Variants in ARID5B observed in about 807,000 individuals in gnomAD.
The protein encoded by ARID5B is AT-rich interaction domain 5B.
ARID5B carries 13 observed loss-of-function variants against 97.2 expected under a neutral mutation model. That is an observed-to-expected ratio of 0.13 (90% CI 0.09 to 0.21). ARID5B has a LOEUF of 0.21. ARID5B is among the 10% of genes least tolerant of loss of function. The probability of loss-of-function intolerance (pLI) is 1.00; values close to 1 mark genes in which losing one functional copy is unlikely to be tolerated. For synonymous variants in ARID5B, 556 were observed against 570.3 expected, an observed-to-expected ratio of 0.97 and a Z score of 0.36; for missense variants, 1,210 against 1,465.3, an observed-to-expected ratio of 0.83 and a Z score of 2.84.
At chr10:61,975,249 C>T (rs546916185) in intron 3 of ARID5B, among the ~76,000 whole-genome samples, 5 of 151,978 alleles carry the variant, frequency 3.3e-5, no homozygotes, top group Admixed American at 3.3e-4. Flanking sequence ...TTTCTGGAGC[C>T]TCTGGTTACC....
intron 3 of ARID5B, among the ~76,000 whole-genome samples, chr10:61,973,268 G>A (rs935113750): frequency 6.6e-6 from 1 of 152,256 alleles, no homozygotes; most frequent in Non-Finnish European, 1.5e-5. Flanking sequence ...GCTCTTACAG[G>A]GGAATAGAGG....
chr10:62,071,852 T>C (rs1348487384), intron 8 of ARID5B, among the ~76,000 whole-genome samples: 1 of 152,210 alleles, frequency 6.6e-6, no homozygotes, highest in Non-Finnish European at 1.5e-5. Flanking sequence ...GTTTGCTTTC[T>C]CACTCGATTA....
intron 3 of ARID5B, among the ~76,000 whole-genome samples, chr10:61,968,150 A>T (rs926687137): frequency 7.0e-6 from 1 of 143,084 alleles, no homozygotes; most frequent in Non-Finnish European, 1.5e-5. Flanking sequence ...ATAATAATAC[A>T]TTTAACATGG....
intron 4 of ARID5B, among the ~76,000 whole-genome samples, chr10:62,020,334 A>G (rs978776605): frequency 1.3e-5 from 2 of 152,164 alleles, no homozygotes; most frequent in African/African-American, 4.8e-5. Flanking sequence ...TGTCAACCAA[A>G]ATAATTTGCA....
At chr10:62,072,169 G>A (rs35809595) in intron 8 of ARID5B, among the ~76,000 whole-genome samples, 50,004 of 152,020 alleles carry the variant, frequency 0.33, 8,976 homozygotes, top group Non-Finnish European at 0.41. Flanking sequence ...CTGATGCTTC[G>A]GGAGCTCAGA....
At chr10:62,036,305 C>T (rs976140591) in intron 4 of ARID5B, among the ~76,000 whole-genome samples, 1 of 152,162 alleles carries the variant, frequency 6.6e-6, no homozygotes, top group Non-Finnish European at 1.5e-5. Context: ...AGCACAGTGG[C>T]CTGTGGTCCA....
intron 4 of ARID5B, among the ~76,000 whole-genome samples, chr10:62,013,815 TACCACATTTTCTCTTTTAATTTTTATGG>T (rs1839250101): frequency 6.8e-6 from 1 of 147,408 alleles, no homozygotes. Flanking sequence ...TATATATATA[TACCACATTTTCTCTTTTAATTTTTATGG>T]ATATATAATA....
At chr10:61,948,784 T>C (rs373584830) in intron 3 of ARID5B, among the ~76,000 whole-genome samples, 2 of 152,326 alleles carry the variant, frequency 1.3e-5, no homozygotes, top group East Asian at 3.9e-4. Flanking sequence ...CCATTACGCA[T>C]GGCCAGAACT....
At chr10:61,958,525 C>T (rs545581999) in intron 3 of ARID5B, among the ~76,000 whole-genome samples, 1 of 152,168 alleles carries the variant, frequency 6.6e-6, no homozygotes, top group African/African-American at 2.4e-5. Context: ...CGCGCCCGGC[C>T]GTGACCTCTT....
chr10:61,943,982 A>G (rs1308729289), intron 3 of ARID5B, among the ~76,000 whole-genome samples: 2 of 152,134 alleles, frequency 1.3e-5, no homozygotes, highest in Non-Finnish European at 2.9e-5. Context: ...TTAATGGTTG[A>G]TGACTAAAAC....
chr10:61,921,297 T>C (rs557597429), intron 2 of ARID5B, among the ~76,000 whole-genome samples: 1 of 152,324 alleles, frequency 6.6e-6, no homozygotes, highest in East Asian at 1.9e-4. Context: ...GCTAAGGGAC[T>C]CTCAAAGCTC....
chr10:61,988,290 C>T (rs1279769223), intron 3 of ARID5B, among the ~76,000 whole-genome samples: 1 of 152,084 alleles, frequency 6.6e-6, no homozygotes, highest in African/African-American at 2.4e-5. Context: ...AAGAAATATC[C>T]ATTCTGAACA....
Position 62,069,716 on chromosome 10 carries a change from A to G in ARID5B, c.1118A>G (p.Gln373Arg). 1 of 1,614,166 alleles carries G rather than the reference A, an allele frequency of 6.2e-7. No individual in the cohort carries two copies. The highest frequency in any genetic ancestry group is 8.5e-7 in the Non-Finnish European group (1 of 1,179,994). The change falls in exon 8 of 10, where the codon CAG becomes CGG. Residue 373 changes from glutamine to arginine, a missense_variant. Transcript: ENST00000279873. ...GGYETITARR[Q>R]WKHIYDELGG... ...TTTTTTCAGATAACAGCCCGCCGTC[A>G]GTGGAAACATATTTATGATGAATTA...
chr10:61,946,493 T>C (rs931198514), intron 3 of ARID5B, among the ~76,000 whole-genome samples: 11 of 152,214 alleles, frequency 7.2e-5, no homozygotes. Flanking sequence ...TTTGAAGGTA[T>C]TTGTTGCTTG....
At chr10:61,903,159 G>A (rs577246382) in intron 2 of ARID5B, among the ~76,000 whole-genome samples, 1 of 152,232 alleles carries the variant, frequency 6.6e-6, no homozygotes, top group South Asian at 2.1e-4. Context: ...CGCGATCTTT[G>A]GGGGTGTGTG....
In ARID5B at chr10:61,968,237, C is replaced by G. The variant is rs936312697; in HGVS notation, c.502+27829C>G. Among the ~76,000 whole-genome samples, 10 of 150,438 alleles carry G rather than the reference C, an allele frequency of 6.6e-5. No homozygotes were observed. The South Asian group carries it at 1.9e-3, about 29-fold the overall frequency. On this transcript the variant is annotated intron_variant, in intron 3 of 9. Coordinates refer to ENST00000279873, the MANE Select transcript of ARID5B (RefSeq NM_032199.3). ...ACAAACACAGTTTCACCAGGCAGTA[C>G]TTACCCCTTACCGACAATGCCCTCT...
chr10:62,019,362 C>T (rs117599988), intron 4 of ARID5B, among the ~76,000 whole-genome samples: 19 of 152,266 alleles, frequency 1.2e-4, no homozygotes, highest in African/African-American at 3.6e-4. Context: ...CTGGCAGCCT[C>T]GGGACTATGA....
At position 62,000,408 on chromosome 10, in the gene ARID5B, C is replaced by T. The variant is rs1406328707; in HGVS notation, c.733+87C>T. On this transcript the variant is annotated intron_variant, in intron 4 of 9. Coordinates refer to ENST00000279873, the MANE Select transcript of ARID5B (RefSeq NM_032199.3). This position sits in a 1 kb window ranked among gnomAD's most constrained non-coding sequence, Gnocchi z 4.4. Reference sequence around the variant, plus strand: ...TCTTCTGAAGAGCGGTGATGGGGAACGGGGCTCACTTTCACAAGCCCCATG... The same window carrying T: ...TCTTCTGAAGAGCGGTGATGGGGAATGGGGCTCACTTTCACAAGCCCCATG... The T allele has an allele frequency of 3.2e-6, 4 of 1,263,582 alleles. No individual in the cohort carries two copies. The highest frequency in any genetic ancestry group is 3.0e-5 in the African/African-American group (2 of 66,132). 78.3% of individuals were successfully genotyped at this position (1,263,582 alleles called of 1,614,324 possible).
At chr10:62,024,932 A>G (rs967788834) in intron 4 of ARID5B, 17 of 310,786 alleles carry the variant, frequency 5.5e-5, no homozygotes, top group African/African-American at 2.3e-4. Flanking sequence ...ATTACTACAT[A>G]TAAGTGCCCT....
Sources: gnomAD v4.1 joint callset for allele counts (sites outside exome capture counted in the v4.1 genomes callset) on GRCh38, gnomAD v4.1.1 for gene constraint, Gnocchi (gnomAD v3.1) non-coding constraint, MANE v1.5 for transcripts, NCBI Gene and HGNC (gene_info 2026-07-23, HGNC 2026-07-21) for gene names.